The following CTNNA3 variants were observed in gnomAD, a reference collection of about 807,000 sequenced individuals.
The protein encoded by CTNNA3 is catenin alpha 3.
In CTNNA3, 76 loss-of-function variants were observed where a neutral mutation model predicts 95.7. The ratio of observed to expected loss-of-function variants is 0.79; its 90% CI spans 0.66 to 0.96. The LOEUF (loss-of-function observed/expected upper bound fraction) is 0.96. CTNNA3 is among the 40% of genes least tolerant of loss of function. CTNNA3 has a pLI of 0.00. For missense variants in CTNNA3, 1,191 were observed against 1,089.8 expected (o/e 1.09, Z -1.31); for synonymous variants, 431 against 374.4 (o/e 1.15, Z -1.74).
intron 11 of CTNNA3, among the ~76,000 whole-genome samples, chr10:66,428,490 C>T (rs10997118): frequency 0.12 from 17,822 of 151,966 alleles, 1,515 homozygotes; most frequent in African/African-American, 0.24. Context: ...CAAAATTGAC[C>T]ACATAGTTGG....
intron 9 of CTNNA3, among the ~76,000 whole-genome samples, chr10:66,654,403 C>CTA (rs1846007285): frequency 6.6e-6 from 1 of 152,008 alleles, no homozygotes; most frequent in South Asian, 2.1e-4. Context: ...CTGCAATGAG[C>CTA]TATATCACCT....
chr10:66,429,501 C>T (rs2131741726), intron 11 of CTNNA3, among the ~76,000 whole-genome samples: 1 of 152,240 alleles, frequency 6.6e-6, no homozygotes, highest in South Asian at 2.1e-4. Context: ...CAAAAATCCT[C>T]AATAAAATAC....
intron 11 of CTNNA3, among the ~76,000 whole-genome samples, chr10:66,498,869 T>C (rs999732747): frequency 9.2e-5 from 14 of 152,204 alleles, no homozygotes; most frequent in African/African-American, 3.1e-4. Flanking sequence ...AAAGCCTATG[T>C]TGGGCATCTC....
chr10:66,595,436 C>T (rs964393195), intron 10 of CTNNA3, among the ~76,000 whole-genome samples: 14 of 151,784 alleles, frequency 9.2e-5, no homozygotes, highest in Non-Finnish European at 1.3e-4. Flanking sequence ...CTCTACCTCC[C>T]GGGTTCCAGC....
intron 17 of CTNNA3, among the ~76,000 whole-genome samples, chr10:65,927,075 C>T (rs187784479): frequency 3.3e-5 from 5 of 151,722 alleles, no homozygotes; most frequent in African/African-American, 1.2e-4. Flanking sequence ...CTGTATTATT[C>T]CACTAGACAG....
chr10:67,325,988 G>A (rs1467585158), intron 5 of CTNNA3, among the ~76,000 whole-genome samples: 4 of 152,006 alleles, frequency 2.6e-5, no homozygotes, highest in Admixed American at 1.3e-4. Context: ...GCCCTTCTTT[G>A]CATTTTTTGA....
intron 11 of CTNNA3, among the ~76,000 whole-genome samples, chr10:66,502,535 G>A (rs796965699): frequency 3.3e-5 from 5 of 151,936 alleles, no homozygotes; most frequent in African/African-American, 1.2e-4. Context: ...CCTCAGTCTC[G>A]TACCTCCCTC....
intron 5 of CTNNA3, among the ~76,000 whole-genome samples, chr10:67,329,620 T>TAA (rs1841702608): frequency 6.6e-6 from 1 of 152,200 alleles, no homozygotes; most frequent in African/African-American, 2.4e-5. Context: ...TCTTATAAAG[T>TAA]AACTCAAATA....
intron 5 of CTNNA3, among the ~76,000 whole-genome samples, chr10:67,283,014 T>G (rs1212826442): frequency 6.6e-6 from 1 of 152,194 alleles, no homozygotes; most frequent in Non-Finnish European, 1.5e-5. Flanking sequence ...CTATTTTGTT[T>G]GACATTCCAG....
At chr10:66,404,261 C>G (rs568936217) in intron 11 of CTNNA3, among the ~76,000 whole-genome samples, 3 of 152,258 alleles carry the variant, frequency 2.0e-5, no homozygotes, top group South Asian at 2.1e-4. Context: ...ACCAAATTGT[C>G]CATTAAAACC....
At chr10:66,731,601 T>C (rs1445749483) in intron 9 of CTNNA3, among the ~76,000 whole-genome samples, 2 of 152,184 alleles carry the variant, frequency 1.3e-5, no homozygotes, top group Admixed American at 6.5e-5. Context: ...CAAATTTATA[T>C]GAATATTGAG....
At chr10:66,250,385 T>C (rs1028502085) in intron 13 of CTNNA3, among the ~76,000 whole-genome samples, 1 of 152,146 alleles carries the variant, frequency 6.6e-6, no homozygotes, top group Non-Finnish European at 1.5e-5. Context: ...CTATAATCAA[T>C]AATAATGTAC....
chr10:66,400,107 G>A, intron 11 of CTNNA3, among the ~76,000 whole-genome samples: 1 of 151,768 alleles, frequency 6.6e-6, no homozygotes, highest in Non-Finnish European at 1.5e-5. Context: ...GTATTTATAA[G>A]AATAATCCTG....
intron 16 of CTNNA3, among the ~76,000 whole-genome samples, chr10:65,978,201 A>T (rs2078244830): frequency 6.6e-6 from 1 of 151,920 alleles, no homozygotes; most frequent in South Asian, 2.1e-4. Context: ...TTTCCTTATC[A>T]TTCTAAGAAC....
chr10:66,068,574 C>G (rs2080363433), intron 15 of CTNNA3, among the ~76,000 whole-genome samples: 1 of 152,122 alleles, frequency 6.6e-6, no homozygotes, highest in South Asian at 2.1e-4. Context: ...GTACACAGCA[C>G]CATATACATG....
intron 7 of CTNNA3, chr10:66,926,453 A>G: frequency 2.0e-6 from 2 of 990,054 alleles, no homozygotes. Flanking sequence ...CCATCTCCCA[A>G]GGGGTCCAAT....
chr10:67,015,782 A>C (rs907617276), intron 7 of CTNNA3, among the ~76,000 whole-genome samples: 2 of 151,928 alleles, frequency 1.3e-5, no homozygotes, highest in Non-Finnish European at 2.9e-5. Context: ...AATTACGTAC[A>C]TGTTGTCTCT....
chr10:66,718,263 C>T (rs984460642), intron 9 of CTNNA3, among the ~76,000 whole-genome samples: 6 of 152,042 alleles, frequency 3.9e-5, no homozygotes, highest in Admixed American at 3.9e-4. Flanking sequence ...TATTTTACTG[C>T]ATTATTTTTT....
chr10:67,463,326 G>A (rs1436709973), intron 5 of CTNNA3, among the ~76,000 whole-genome samples: 1 of 152,064 alleles, frequency 6.6e-6, no homozygotes. Context: ...CAGCTAAGTG[G>A]GAACAATCAC....
Sources: allele counts gnomAD v4.1 joint callset (sites outside exome capture counted in the v4.1 genomes callset), GRCh38; gene constraint gnomAD v4.1.1; transcripts MANE v1.5; gene names NCBI Gene and HGNC (gene_info 2026-07-23, HGNC 2026-07-21).